Variants in CEP290 observed in about 807,000 individuals in gnomAD.
CEP290 encodes centrosomal protein of 290 kDa.
A neutral mutation model predicts 344.9 loss-of-function variants in CEP290; 317 were observed. The ratio of observed to expected loss-of-function variants is 0.92; its 90% confidence interval spans 0.84 to 1.01. The LOEUF (loss-of-function observed/expected upper bound fraction) is 1.01, where lower values mean the gene tolerates loss of function less well. Among genes scored for constraint, CEP290 ranks in the 50% least tolerant of loss-of-function variants. The pLI is 0.00. For missense variants in CEP290, 2,754 were observed against 2,761.4 expected (o/e 1.00, Z 0.06); for synonymous variants, 932 against 895.8 (o/e 1.04, Z -0.72).
In CEP290 at chr12:88,141,968, G is replaced by A. The variant is rs528270888; in HGVS notation, c.-96C>T. 6 of 152,544 alleles carry A rather than the reference G, an allele frequency of 3.9e-5. No individual in the cohort carries two copies. The highest frequency in any genetic ancestry group is 1.4e-4 in the African/African-American group (6 of 41,568). The allele number at this position is 152,544 out of a possible 1,614,324, so 9.4% of individuals were successfully genotyped here. A position where few individuals can be genotyped will look rare whatever the true frequency, so the allele number is the denominator to read the frequency against. ...ACCACCAAGCTGGACCCGGCCGCGG[G>A]CCCTGACAGATCCCTATCGCGGTTC... On this transcript the variant is annotated 5_prime_UTR_variant, in exon 1 of 54. Coordinates refer to ENST00000552810, the MANE Select transcript of CEP290 (RefSeq NM_025114.4).
At chr12:88,050,288 TG>T in intron 53 of CEP290, 65 bp downstream of exon 53, 1 of 760,182 alleles carries the variant, frequency 1.3e-6, no homozygotes, top group Non-Finnish European at 2.2e-6. Flanking sequence ...TAGTTAAAGA[TG>T]GTAATGAAAA....
Position 88,058,982 on chromosome 12 carries a change from A to C in CEP290, c.6684T>G (p.Asn2228Lys), listed in dbSNP as rs373711746. ...DAAEKLRIAK[N>K]NLEILNEKMT... is the part of the protein sequence containing the mutation. ...TCTTCTCATTTAATATCTCTAAATTATTCTTTGCTATCCGTAATTTCTCTG... is the reference window on the plus strand; with the variant it reads ...TCTTCTCATTTAATATCTCTAAATTCTTCTTTGCTATCCGTAATTTCTCTG... The change falls in exon 49 of 54, where the codon AAT becomes AAG. Residue 2228 changes from asparagine to lysine, a missense_variant. Physicochemically the swap from Asn to Lys is moderately conservative, Grantham distance 94. Transcript: ENST00000552810. 195 of 1,612,344 alleles carry C rather than the reference A, an allele frequency of 1.2e-4. No individual in the cohort carries two copies. Among genetic ancestry groups the C allele is most frequent in the Non-Finnish European group, 1.6e-4 (190 of 1,179,446 alleles).
intron 32 of CEP290, among the ~76,000 whole-genome samples, chr12:88,086,748 C>T (rs1053465534): frequency 8.5e-5 from 13 of 152,122 alleles, no homozygotes; most frequent in African/African-American, 2.4e-4. Context: ...TTCAGCTATA[C>T]GAAAGATATT....
chr12:88,072,122 T>A (rs2035424313), intron 41 of CEP290, among the ~76,000 whole-genome samples, 196 bp from the exon 42 acceptor site: 2 of 152,188 alleles, frequency 1.3e-5, no homozygotes, highest in Non-Finnish European at 2.9e-5. Context: ...GAATTTGGAT[T>A]TTTTTAAAAA....
chr12:88,139,418 A>C, intron 4 of CEP290, 77 bp downstream of exon 4: 1 of 866,568 alleles, frequency 1.2e-6, no homozygotes, highest in Non-Finnish European at 1.7e-6. Context: ...ATAGAATATA[A>C]TTTAATTTTC....
At chr12:88,134,841 T>C (rs1169621758) in intron 6 of CEP290, among the ~76,000 whole-genome samples, 1 of 152,212 alleles carries the variant, frequency 6.6e-6, no homozygotes, top group Non-Finnish European at 1.5e-5. Flanking sequence ...AAATACTCCA[T>C]AACATCTCTT....
intron 50 of CEP290, among the ~76,000 whole-genome samples, chr12:88,055,299 T>C (rs954625110): frequency 1.3e-5 from 2 of 152,090 alleles, no homozygotes; most frequent in Admixed American, 6.6e-5. Context: ...TGGACAAGAC[T>C]GGTAGTGATG....
In CEP290 at chr12:88,109,103, G is replaced by A. The variant is rs374656545; in HGVS notation, c.2446C>T (p.Arg816Cys). ...TTATACAACAAACTTTGTTGATGAC[G>A]AATTACAGCAAATTTTCTGTTGTAA... is the stretch of plus-strand genomic sequence containing the variant. ...EDYNRKFAVI[R>C]HQQSLLYKEY... The change falls in exon 23 of 54, where the codon CGT (arginine) becomes TGT (cysteine). Residue 816 changes from arginine (R) to cysteine (C), a missense_variant. By Grantham distance (180) the Arg-to-Cys change is radical. Coordinates refer to ENST00000552810, the MANE Select transcript of CEP290 (RefSeq NM_025114.4). 3.9e-5 allele frequency: 56 copies of A among 1,451,390 alleles called. 1 individual carries two copies. The African/African-American group carries it at 4.6e-4, about 12-fold the overall frequency. The allele number at this position is 1,451,390 out of a possible 1,614,324, so 89.9% of individuals were successfully genotyped here.
At chr12:88,120,948 T>C (rs1377716609) in intron 14 of CEP290, 49 bp downstream of exon 14, 8 of 1,510,766 alleles carry the variant, frequency 5.3e-6, no homozygotes, top group South Asian at 1.2e-5. Flanking sequence ...AGTCTGTGAA[T>C]GGCAAGAATA....
chr12:88,059,005 C>G lies in CEP290; in HGVS notation c.6661G>C (p.Glu2221Gln). ...KELKKETDAAEKLRIAKNNLE... is the reference protein window; with the variant it reads ...KELKKETDAAQKLRIAKNNLE... Reference sequence around the variant, plus strand: ...TTATTCTTTGCTATCCGTAATTTCTCTGCAGCATCAGTTTCCTATCATTAA... The same window carrying G: ...TTATTCTTTGCTATCCGTAATTTCTGTGCAGCATCAGTTTCCTATCATTAA... Residue 2221 changes from glutamate (E) to glutamine (Q), a missense_variant, in exon 49 of 54, where the codon GAG becomes CAG. By Grantham distance (29) the Glu-to-Gln change is conservative. Coordinates refer to ENST00000552810, the MANE Select transcript of CEP290 (RefSeq NM_025114.4). 1 of 1,610,498 alleles carries G rather than the reference C, an allele frequency of 6.2e-7. No homozygotes were observed. Among genetic ancestry groups the G allele is most frequent in the Non-Finnish European group, 8.5e-7 (1 of 1,178,506 alleles).
At chr12:88,101,157 C>CTCATGAG (rs2137507223) in intron 26 of CEP290, among the ~76,000 whole-genome samples, 1 of 152,124 alleles carries the variant, frequency 6.6e-6, no homozygotes, top group South Asian at 2.1e-4. Context: ...AACTAAGACA[C>CTCATGAG]TGCCAATAGG....
chr12:88,128,190 C>T (rs1459899111), intron 11 of CEP290, among the ~76,000 whole-genome samples: 1 of 152,024 alleles, frequency 6.6e-6, no homozygotes, highest in African/African-American at 2.4e-5. Flanking sequence ...CACTGTCTGG[C>T]CCTTTATATA....
intron 6 of CEP290, among the ~76,000 whole-genome samples, chr12:88,134,533 A>C (rs1327351051): frequency 6.6e-6 from 1 of 152,200 alleles, no homozygotes; most frequent in Non-Finnish European, 1.5e-5. Context: ...GCCCTTGCTT[A>C]TCTCTCCAGA....
chr12:88,115,864 G>A (rs1202206150), intron 18 of CEP290: 1 of 982,100 alleles, frequency 1.0e-6, no homozygotes, highest in Non-Finnish European at 1.2e-6. Context: ...ATAGACACAG[G>A]GTCTGGAAGA....
At chr12:88,071,947 G>T (rs760046553) in intron 41 of CEP290, 21 bp from the exon 42 acceptor site, 1 of 1,545,020 alleles carries the variant, frequency 6.5e-7, no homozygotes, top group South Asian at 1.3e-5. Context: ...AACGAAGGAG[G>T]TAGGAAAATT....
Position 88,087,887 on chromosome 12 carries a change from G to A in CEP290, c.4087C>T (p.Arg1363Trp), listed in dbSNP as rs181121175. ...TCTTCTTTATCCTTGACTAATTCCC[G>A]ATTTAGTTTAAGTTCTTGAAGACGA... ...ELRLQELKLN[R>W]ELVKDKEEIK... The change falls in exon 32 of 54, where the codon CGG (arginine) becomes TGG (tryptophan). Residue 1363 changes from arginine (R) to tryptophan (W), a missense_variant. Coordinates refer to ENST00000552810, the MANE Select transcript of CEP290 (RefSeq NM_025114.4). The A allele has an allele frequency of 5.3e-4, 651 of 1,232,452 alleles. 2 individuals are homozygous for A. The highest frequency in any genetic ancestry group is 1.8e-4 in the Non-Finnish European group (174 of 963,952). The allele number at this position is 1,232,452 out of a possible 1,614,324, so 76.3% of individuals were successfully genotyped here. A position where few individuals can be genotyped will look rare whatever the true frequency, so the allele number is the denominator to read the frequency against.
chr12:88,097,135 A>G, intron 26 of CEP290, 136 bp from the exon 27 acceptor site: 1 of 594,850 alleles, frequency 1.7e-6, no homozygotes, highest in Admixed American at 3.3e-5. Flanking sequence ...AATTTCCTCC[A>G]TATATAATAC....
intron 52 of CEP290, among the ~76,000 whole-genome samples, chr12:88,051,346 G>A (rs1467508361): frequency 6.6e-6 from 1 of 151,896 alleles, no homozygotes; most frequent in Non-Finnish European, 1.5e-5. Context: ...TAACAGGCAA[G>A]TGCCACCATG....
At chr12:88,110,422 T>C (rs2038601219) in intron 22 of CEP290, among the ~76,000 whole-genome samples, 1 of 152,066 alleles carries the variant, frequency 6.6e-6, no homozygotes, top group South Asian at 2.1e-4. Flanking sequence ...TAGAAGTTTT[T>C]GCTTATGGCT....
Sources: allele counts gnomAD v4.1 joint callset (sites outside exome capture counted in the v4.1 genomes callset), GRCh38; gene constraint gnomAD v4.1.1; transcripts MANE v1.5; gene names NCBI Gene and HGNC (gene_info 2026-07-23, HGNC 2026-07-21).